Variants in HMGCLL1 observed in about 807,000 individuals in gnomAD.
HMGCLL1 encodes 3-hydroxymethyl-3-methylglutaryl-CoA lyase, cytoplasmic.
Under a neutral mutation model 39.1 loss-of-function variants are expected in HMGCLL1, and 36 were observed. The ratio of observed to expected loss-of-function variants is 0.92; its 90% CI spans 0.71 to 1.22. The LOEUF (loss-of-function observed/expected upper bound fraction) is 1.22. HMGCLL1 is among the 50% of genes most tolerant of loss of function. The pLI, the probability that HMGCLL1 is intolerant of heterozygous loss-of-function variation, is 0.00. For synonymous variants in HMGCLL1, 149 were observed against 144.0 expected, an observed-to-expected ratio of 1.03 and a Z score of -0.25; for missense variants, 451 against 416.5, an observed-to-expected ratio of 1.08 and a Z score of -0.72.
At chr6:55,556,650 T>A (rs976884925) in intron 1 of HMGCLL1, among the ~76,000 whole-genome samples, 1 of 152,156 alleles carries the variant, frequency 6.6e-6, no homozygotes, top group Admixed American at 6.5e-5. Flanking sequence ...CATTGGACTA[T>A]GCTCACTCGG....
At chr6:55,477,313 T>C (rs1181363449) in intron 7 of HMGCLL1, among the ~76,000 whole-genome samples, 1 of 16,636 alleles carries the variant, frequency 6.0e-5, no homozygotes, top group Non-Finnish European at 8.5e-5. Flanking sequence ...ATTATATATA[T>C]AATATATATT....
At chr6:55,588,885 A>G in the HMGCLL1 span, among the ~76,000 whole-genome samples, 1 of 152,298 alleles carries the variant, frequency 6.6e-6, no homozygotes, top group Non-Finnish European at 1.5e-5. Flanking sequence ...ATAGACCAAT[A>G]ACAGGCTCTC....
chr6:55,573,068 G>C (rs367710392), intron 1 of HMGCLL1, among the ~76,000 whole-genome samples: 1 of 152,154 alleles, frequency 6.6e-6, no homozygotes, highest in Non-Finnish European at 1.5e-5. Context: ...GCAAGGAGGA[G>C]CAACCCTGGT....
At chr6:55,456,317 G>A (rs374196556) in intron 7 of HMGCLL1, among the ~76,000 whole-genome samples, 16 of 152,212 alleles carry the variant, frequency 1.1e-4, no homozygotes, top group South Asian at 6.2e-4. Flanking sequence ...TCAACGATTC[G>A]AAATACCTGA....
intron 7 of HMGCLL1, among the ~76,000 whole-genome samples, chr6:55,493,937 G>T (rs1162926393): frequency 1.3e-5 from 2 of 151,796 alleles, no homozygotes; most frequent in African/African-American, 4.8e-5. Context: ...GGGGTTCTCC[G>T]TGTTAGCCAG....
chr6:55,517,697 CAT>C (rs1374783060), intron 3 of HMGCLL1, among the ~76,000 whole-genome samples: 1 of 151,882 alleles, frequency 6.6e-6, no homozygotes, highest in African/African-American at 2.4e-5. Context: ...TATAAAAATA[CAT>C]GTTACAATAT....
At chr6:55,569,906 A>G (rs1231969248) in intron 1 of HMGCLL1, among the ~76,000 whole-genome samples, 1 of 152,160 alleles carries the variant, frequency 6.6e-6, no homozygotes, top group East Asian at 1.9e-4. Context: ...TCAAAATGTG[A>G]ACAGCCTTAA....
intron 1 of HMGCLL1, among the ~76,000 whole-genome samples, chr6:55,550,398 C>T (rs1362078284): frequency 6.6e-6 from 1 of 151,892 alleles, no homozygotes; most frequent in South Asian, 2.1e-4. Flanking sequence ...CTGGAAAGGC[C>T]ATATCAGCTC....
intron 7 of HMGCLL1, among the ~76,000 whole-genome samples, chr6:55,487,181 T>C (rs1044559137): frequency 6.6e-6 from 1 of 152,110 alleles, no homozygotes; most frequent in African/African-American, 2.4e-5. Context: ...TCTGGGTCTC[T>C]GGTCTTCAGA....
chr6:55,529,274 C>T (rs1768501985), intron 3 of HMGCLL1, among the ~76,000 whole-genome samples: 1 of 152,086 alleles, frequency 6.6e-6, no homozygotes, highest in Admixed American at 6.6e-5. Context: ...GATAATAACA[C>T]TGTCAAAGTT....
the HMGCLL1 span, among the ~76,000 whole-genome samples, chr6:55,599,271 A>G: frequency 6.6e-6 from 1 of 152,136 alleles, no homozygotes; most frequent in Non-Finnish European, 1.5e-5. Context: ...ATTAAAAAAG[A>G]AAGAAAGAAA....
At chr6:55,588,068 C>A in the HMGCLL1 span, among the ~76,000 whole-genome samples, 1 of 152,100 alleles carries the variant, frequency 6.6e-6, no homozygotes, top group Non-Finnish European at 1.5e-5. Context: ...TAGACATCTC[C>A]AGAACTCTCC....
chr6:55,660,329 A>C, the HMGCLL1 span, among the ~76,000 whole-genome samples: 1 of 151,744 alleles, frequency 6.6e-6, no homozygotes, highest in East Asian at 1.9e-4. Context: ...TACTAAGCCT[A>C]GTACCCAATA....
chr6:55,531,222 T>G (rs1022966753), intron 3 of HMGCLL1, among the ~76,000 whole-genome samples: 2 of 152,192 alleles, frequency 1.3e-5, no homozygotes, highest in Non-Finnish European at 2.9e-5. Flanking sequence ...TGGATTTCAC[T>G]TAAGTGGCTT....
At chr6:55,447,386 T>C (rs556122750) in intron 7 of HMGCLL1, among the ~76,000 whole-genome samples, 21 of 152,184 alleles carry the variant, frequency 1.4e-4, no homozygotes, top group Admixed American at 5.9e-4. Context: ...TATATATAGA[T>C]GCAAAGAGAG....
chr6:55,633,020 T>C, the HMGCLL1 span, among the ~76,000 whole-genome samples: 4 of 152,094 alleles, frequency 2.6e-5, no homozygotes, highest in Non-Finnish European at 5.9e-5. Flanking sequence ...AGAATTTACA[T>C]GTACAGCAGA....
intron 5 of HMGCLL1, among the ~76,000 whole-genome samples, chr6:55,506,683 G>C (rs1227163703): frequency 6.6e-6 from 1 of 151,634 alleles, no homozygotes; most frequent in African/African-American, 2.4e-5. Flanking sequence ...TCAGTTATGA[G>C]ATCAACTGTA....
At chr6:55,534,955 A>C (rs1768928281) in intron 3 of HMGCLL1, among the ~76,000 whole-genome samples, 1 of 152,360 alleles carries the variant, frequency 6.6e-6, no homozygotes, top group Admixed American at 6.5e-5. Context: ...CGATTGAAGC[A>C]ATGTGGAGTC....
the HMGCLL1 span, among the ~76,000 whole-genome samples, chr6:55,627,881 T>TTATATATATATATATAG: frequency 1.6e-4 from 7 of 43,486 alleles, 1 homozygote; most frequent in African/African-American, 6.9e-4. Context: ...ATAAACTCCC[T>TTATATATATATATATAG]TATATATATA....
Sources: allele counts gnomAD v4.1 joint callset (sites outside exome capture counted in the v4.1 genomes callset), GRCh38; gene constraint gnomAD v4.1.1; transcripts MANE v1.5; gene names NCBI Gene and HGNC (gene_info 2026-07-23, HGNC 2026-07-21).